The following FAM219A variants were observed in gnomAD, a reference collection of about 807,000 sequenced individuals.
FAM219A encodes the protein protein FAM219A.
Under a neutral mutation model 23.4 loss-of-function variants are expected in FAM219A, and 7 were observed. The observed-to-expected ratio is 0.30, with a 90% confidence interval of 0.17 to 0.56. The LOEUF is 0.56. FAM219A is among the 20% of genes least tolerant of loss of function. FAM219A has a pLI of 0.92. For synonymous variants in FAM219A, 93 were observed against 99.0 expected (o/e 0.94, Z 0.36); for missense variants, 166 against 246.9 (o/e 0.67, Z 2.20).
At chr9:34,411,694 G>A (rs111470323) in intron 1 of FAM219A, among the ~76,000 whole-genome samples, 22 of 86,010 alleles carry the variant, frequency 2.6e-4, no homozygotes, top group Non-Finnish European at 3.1e-4. Context: ...AAAAAAAAAA[G>A]AAAGAAAGAA....
rs1821300945 is a variant in FAM219A at position 34,398,459 on chromosome 9, G to A, written c.*2505C>T. ...TTCTTCCCTCCAACCTCCCAGACAG[G>A]GAAGGAGGGAGCCACACCCCTCCCT... On this transcript the variant is annotated 3_prime_UTR_variant, in exon 6 of 6. Coordinates refer to ENST00000651358, the MANE Select transcript of FAM219A (RefSeq NM_001184940.2). The A allele has an allele frequency of 2.9e-6, 4 of 1,382,892 alleles. No individual in the cohort carries two copies. The highest frequency in any genetic ancestry group is 4.0e-6 in the Non-Finnish European group (4 of 1,002,220). The allele number at this position is 1,382,892 out of a possible 1,614,324, so 85.7% of individuals were successfully genotyped here.
chr9:34,442,077 A>T (rs1347498450), intron 1 of FAM219A, among the ~76,000 whole-genome samples: 1 of 152,228 alleles, frequency 6.6e-6, no homozygotes, highest in African/African-American at 2.4e-5. Context: ...AACATATGTT[A>T]TGTGCTTCCT....
At chr9:34,407,159 CA>C (rs887617635) in intron 1 of FAM219A, among the ~76,000 whole-genome samples, 2 of 151,994 alleles carry the variant, frequency 1.3e-5, no homozygotes, top group African/African-American at 4.8e-5. Flanking sequence ...CTGCAAGATC[CA>C]GGGCCGTGCA....
chr9:34,418,702 C>T (rs1822130689), intron 1 of FAM219A, among the ~76,000 whole-genome samples: 1 of 152,164 alleles, frequency 6.6e-6, no homozygotes, highest in South Asian at 2.1e-4. Flanking sequence ...CCATTTCAAT[C>T]TCTTTAGGGA....
At chr9:34,419,379 T>A (rs1822166944) in intron 1 of FAM219A, among the ~76,000 whole-genome samples, 1 of 152,040 alleles carries the variant, frequency 6.6e-6, no homozygotes, top group Non-Finnish European at 1.5e-5. Flanking sequence ...GCTTTCTACT[T>A]GAGGTGCCCC....
chr9:34,422,838 A>G (rs1414316454), intron 1 of FAM219A, among the ~76,000 whole-genome samples: 1 of 152,204 alleles, frequency 6.6e-6, no homozygotes, highest in Non-Finnish European at 1.5e-5. Flanking sequence ...AAGGGCATCT[A>G]TATTCTAGGC....
chr9:34,444,951 G>C lies in FAM219A; in HGVS notation c.60+13253C>G, dbSNP rs147387657. On this transcript the variant is annotated intron_variant, in intron 1 of 5. Transcript: ENST00000651358. ...GCTTATGAAGGTAGGTACCATGTTT[G>C]CTTTATTCATCATTTTACTTCCTAT... Among the ~76,000 whole-genome samples the C allele has an allele frequency of 2.5e-3, 380 of 152,278 alleles. 1 individual carries two copies. The highest frequency in any genetic ancestry group is 8.7e-3 in the African/African-American group (360 of 41,550).
chr9:34,419,216 T>C (rs1822159716), intron 1 of FAM219A, among the ~76,000 whole-genome samples: 1 of 152,086 alleles, frequency 6.6e-6, no homozygotes, highest in African/African-American at 2.4e-5. Context: ...AGGTGTGTGG[T>C]GGGCAGTGGG....
At chr9:34,431,812 C>T (rs1171240792) in intron 1 of FAM219A, among the ~76,000 whole-genome samples, 2 of 152,238 alleles carry the variant, frequency 1.3e-5, no homozygotes, top group African/African-American at 4.8e-5. Context: ...AATAAACTTA[C>T]TCCTACTATC....
At position 34,458,450 on chromosome 9, in the gene FAM219A, G is replaced by A; in HGVS notation, c.-187C>T. Reference sequence around the variant, plus strand: ...AGAGGTTCGCAGACTGGCTGAGGCCGGCGTGACTCCGTGGGCTTGCCTAGC... The same window carrying A: ...AGAGGTTCGCAGACTGGCTGAGGCCAGCGTGACTCCGTGGGCTTGCCTAGC... On this transcript the variant is annotated 5_prime_UTR_variant, in exon 1 of 6. Transcript: ENST00000651358. The surrounding 1 kb of genome is among the most constrained non-coding windows in gnomAD (Gnocchi z 6.6). 2.8e-6 allele frequency: 1 copy of A among 361,230 alleles called. No individual in the cohort carries two copies. The highest frequency in any genetic ancestry group is 4.9e-6 in the Non-Finnish European group (1 of 205,960). 22.4% of individuals were successfully genotyped at this position (361,230 alleles called of 1,614,324 possible).
Position 34,402,696 on chromosome 9 carries a change from G to A in FAM219A, c.263+9C>T. 1 of 1,613,434 alleles carries A rather than the reference G, an allele frequency of 6.2e-7. No individual in the cohort carries two copies. The highest frequency in any genetic ancestry group is 8.5e-7 in the Non-Finnish European group (1 of 1,179,468). ...GGCAGGGTCCAGGTGGGGTAGGGAG[G>A]GCCTCTACCTTGTTCGGGCCATGAC... On this transcript the variant is annotated intron_variant, in intron 3 of 5. Coordinates refer to ENST00000651358, the MANE Select transcript of FAM219A (RefSeq NM_001184940.2).
At chr9:34,437,852 T>G (rs1822980216) in intron 1 of FAM219A, among the ~76,000 whole-genome samples, 1 of 152,256 alleles carries the variant, frequency 6.6e-6, no homozygotes, top group African/African-American at 2.4e-5. Flanking sequence ...AGCCCACCGC[T>G]GCACCGTGGG....
At position 34,398,444 on chromosome 9, in the gene FAM219A, C is replaced by G; in HGVS notation, c.*2520G>C. On this transcript the variant is annotated 3_prime_UTR_variant, in exon 6 of 6. Coordinates refer to ENST00000651358, the MANE Select transcript of FAM219A (RefSeq NM_001184940.2). ...AAGCTAAGGCCTAGATTCTTCCCTC[C>G]AACCTCCCAGACAGGGAAGGAGGGA... 1 of 1,462,004 alleles carries G rather than the reference C, an allele frequency of 6.8e-7. No individual in the cohort carries two copies. Among genetic ancestry groups the G allele is most frequent in the Non-Finnish European group, 9.4e-7 (1 of 1,069,484 alleles). The allele number at this position is 1,462,004 out of a possible 1,614,324, so 90.6% of individuals were successfully genotyped here. A position where few individuals can be genotyped will look rare whatever the true frequency, so the allele number is the denominator to read the frequency against.
chr9:34,440,399 G>T (rs1404105886), intron 1 of FAM219A, among the ~76,000 whole-genome samples: 1 of 152,104 alleles, frequency 6.6e-6, no homozygotes, highest in Non-Finnish European at 1.5e-5. Context: ...GGCTTGCAGT[G>T]CCCTCAGTGC....
chr9:34,417,479 T>A lies in FAM219A; in HGVS notation c.61-11515A>T, dbSNP rs1822078679. Among the ~76,000 whole-genome samples, 1 of 152,262 alleles carries A rather than the reference T, an allele frequency of 6.6e-6. No individual in the cohort carries two copies. The highest frequency in any genetic ancestry group is 1.5e-5 in the Non-Finnish European group (1 of 68,046). On this transcript the variant is annotated intron_variant, in intron 1 of 5. Coordinates refer to ENST00000651358, the MANE Select transcript of FAM219A (RefSeq NM_001184940.2). The surrounding 1 kb of genome is among the most constrained non-coding windows in gnomAD (Gnocchi z 4.1). ...ATTCAGGTTGTTTGCAACTTTTCAC[T>A]ATTATAGATAATGCTACACTGAAAT...
chr9:34,421,593 G>C (rs4879786), intron 1 of FAM219A, among the ~76,000 whole-genome samples: 121,874 of 151,794 alleles, frequency 0.8, 49,101 homozygotes, highest in Non-Finnish European at 0.84. Context: ...AGGAAAGGCC[G>C]CTGAAACAGC....
At chr9:34,403,527 T>G (rs552566340) in intron 2 of FAM219A, among the ~76,000 whole-genome samples, 2 of 152,346 alleles carry the variant, frequency 1.3e-5, no homozygotes, top group African/African-American at 4.8e-5. Context: ...TTGGCTACGC[T>G]GCCTGAGTGG....
In FAM219A at chr9:34,398,228, A is replaced by C; in HGVS notation, c.*2736T>G. 2 of 1,535,428 alleles carry C rather than the reference A, an allele frequency of 1.3e-6. No individual in the cohort carries two copies. The highest frequency in any genetic ancestry group is 1.7e-4 in the Middle Eastern group (1 of 5,960). ...AATATCATTATTTGTGTTACACGATACACAACCAAGGATGATGGTCAATAC... is the reference window on the plus strand; with the variant it reads ...AATATCATTATTTGTGTTACACGATCCACAACCAAGGATGATGGTCAATAC... On this transcript the variant is annotated 3_prime_UTR_variant, in exon 6 of 6. Coordinates refer to ENST00000651358, the MANE Select transcript of FAM219A (RefSeq NM_001184940.2).
chr9:34,423,180 C>A (rs189056176), intron 1 of FAM219A, among the ~76,000 whole-genome samples: 2 of 152,058 alleles, frequency 1.3e-5, no homozygotes, highest in African/African-American at 4.8e-5. Flanking sequence ...ATAATAAGGC[C>A]CCTGCCCATG....
Sources: allele counts gnomAD v4.1 joint callset (sites outside exome capture counted in the v4.1 genomes callset), GRCh38; gene constraint gnomAD v4.1.1; non-coding constraint Gnocchi (gnomAD v3.1); transcripts MANE v1.5; gene names NCBI Gene and HGNC (gene_info 2026-07-23, HGNC 2026-07-21).